Variants in GATA4 observed in about 807,000 individuals in gnomAD.
The protein encoded by GATA4 is GATA binding protein 4.
GATA4 carries 7 observed loss-of-function variants against 37.9 expected under a neutral mutation model. That is an observed-to-expected ratio of 0.18 (90% confidence interval 0.11 to 0.35). The LOEUF is 0.35. Among genes scored for constraint, GATA4 ranks in the 10% least tolerant of loss-of-function variants. GATA4 has a pLI of 1.00. For missense variants in GATA4, 647 were observed against 653.0 expected (o/e 0.99, Z 0.10); for synonymous variants, 372 against 292.6 (o/e 1.27, Z -2.77).
rs115845273 is a variant in GATA4, at chr8:11,717,502, G to T, written c.616+8574G>T. On this transcript the variant is annotated intron_variant, in intron 2 of 6. Coordinates refer to ENST00000532059, the MANE Select transcript of GATA4 (RefSeq NM_001308093.3). Reference sequence around the variant, plus strand: ...AAAGAGCCTGTAATCTCAGGTCCCCGTGGGTAGTAAACAGCCCTGGTTTGG... The same window carrying T: ...AAAGAGCCTGTAATCTCAGGTCCCCTTGGGTAGTAAACAGCCCTGGTTTGG... Among the ~76,000 whole-genome samples, 141 of 152,278 alleles carry T rather than the reference G, an allele frequency of 9.3e-4. 1 individual carries two copies. The highest frequency in any genetic ancestry group is 3.2e-3 in the African/African-American group (135 of 41,564).
intron 2 of GATA4, among the ~76,000 whole-genome samples, chr8:11,722,373 T>TA: frequency 6.6e-6 from 1 of 152,334 alleles, no homozygotes; most frequent in South Asian, 2.1e-4. Flanking sequence ...TCTTTTATTT[T>TA]AAAAAATACA....
chr8:11,683,974 G>A lies in GATA4; in HGVS notation c.-274+6911G>A, dbSNP rs542612465. On this transcript the variant is annotated intron_variant, in intron 1 of 6. Transcript: ENST00000528712. ...TGCCCACACCTAAACTTGGACTGCT[G>A]AGCCCTTAATGCTACTGTGACTCCC... 5.3e-5 allele frequency among the ~76,000 whole-genome samples: 8 copies of A among 152,346 alleles called. No homozygotes were observed. The South Asian group carries it at 8.3e-4, about 16-fold the overall frequency.
chr8:11,744,378 A>G (rs1263100194), intron 2 of GATA4, among the ~76,000 whole-genome samples: 1 of 152,236 alleles, frequency 6.6e-6, no homozygotes, highest in Non-Finnish European at 1.5e-5. Flanking sequence ...TCTTTCCTCC[A>G]AACGTGGGTG....
Position 11,758,155 on chromosome 8 carries a change from G to A in GATA4, c.1150-138G>A, listed in dbSNP as rs1802697639. 3.8e-6 allele frequency: 3 copies of A among 795,840 alleles called. No individual in the cohort carries two copies. In the African/African-American group the frequency reaches 5.1e-5, roughly 13 times the overall value. 49.3% of individuals were successfully genotyped at this position (795,840 alleles called of 1,614,324 possible). A position where few individuals can be genotyped will look rare whatever the true frequency, so the allele number is the denominator to read the frequency against. On this transcript the variant is annotated intron_variant, in intron 6 of 6. Coordinates refer to ENST00000532059, the MANE Select transcript of GATA4 (RefSeq NM_001308093.3). ...TCACCGGGATCAGGAGAAACAGAGA[G>A]AAGTGCTCCTTGGTCCCTTCCTGAG...
chr8:11,683,082 A>T (rs1799026050), intron 1 of GATA4: 1 of 985,228 alleles, frequency 1.0e-6, no homozygotes. Context: ...AGGTTTTCCC[A>T]GCCTTCTCGC....
intron 2 of GATA4, among the ~76,000 whole-genome samples, chr8:11,711,800 T>C (rs916058156): frequency 6.6e-6 from 1 of 150,752 alleles, no homozygotes; most frequent in African/African-American, 2.4e-5. Flanking sequence ...GCTTTTTATA[T>C]GTTCTTCCCA....
intron 1 of GATA4, chr8:11,680,787 C>A: frequency 3.0e-6 from 3 of 985,354 alleles, no homozygotes; most frequent in Non-Finnish European, 3.6e-6. Flanking sequence ...GGTGCTCACC[C>A]GCCCCTCGCC....
chr8:11,758,082 CT>C (rs1342249493), intron 6 of GATA4, among the ~76,000 whole-genome samples: 1 of 152,224 alleles, frequency 6.6e-6, no homozygotes, highest in Non-Finnish European at 1.5e-5. Flanking sequence ...TGGTTGTATA[CT>C]GTGCTCAGAA....
chr8:11,685,950 A>G (rs948168469), intron 1 of GATA4, among the ~76,000 whole-genome samples: 5 of 152,214 alleles, frequency 3.3e-5, no homozygotes, highest in Non-Finnish European at 7.3e-5. Context: ...GGTGTTCAGA[A>G]AGGAAGGCCG....
chr8:11,712,408 C>T (rs1381553483), intron 2 of GATA4, among the ~76,000 whole-genome samples: 1 of 152,136 alleles, frequency 6.6e-6, no homozygotes, highest in African/African-American at 2.4e-5. Flanking sequence ...GGAGAAGCAG[C>T]ATCATTCTTC....
chr8:11,685,884 AAGG>A (rs1411783387), intron 1 of GATA4, among the ~76,000 whole-genome samples: 2 of 152,174 alleles, frequency 1.3e-5, no homozygotes, highest in African/African-American at 2.4e-5. Flanking sequence ...GGAGGGAGAA[AAGG>A]AGGAGACTTG....
At chr8:11,747,223 A>G (rs1450820956) in intron 2 of GATA4, among the ~76,000 whole-genome samples, 1 of 152,220 alleles carries the variant, frequency 6.6e-6, no homozygotes, top group African/African-American at 2.4e-5. Flanking sequence ...GGATAACATG[A>G]AGTCAGAGAG....
At chr8:11,713,521 A>G (rs1020140621) in intron 2 of GATA4, among the ~76,000 whole-genome samples, 1 of 152,104 alleles carries the variant, frequency 6.6e-6, no homozygotes, top group East Asian at 1.9e-4. Context: ...GCAGGATGGA[A>G]GAGGGTTCTG....
chr8:11,694,475 G>A (rs183327850), intron 1 of GATA4: 2 of 985,260 alleles, frequency 2.0e-6, no homozygotes, highest in Non-Finnish European at 2.4e-6. Flanking sequence ...AGCTCTCCGA[G>A]CCGTGGACTG....
intron 6 of GATA4, among the ~76,000 whole-genome samples, chr8:11,757,461 G>A (rs1427260130): frequency 6.6e-6 from 1 of 152,196 alleles, no homozygotes; most frequent in Non-Finnish European, 1.5e-5. Flanking sequence ...GAATGAGACT[G>A]CGTGCTGGGG....
chr8:11,756,755 A>G (rs77511097), intron 5 of GATA4, 180 bp from the exon 6 acceptor site: 9 of 302,880 alleles, frequency 3.0e-5, no homozygotes, highest in Non-Finnish European at 5.3e-5. Flanking sequence ...GAGATGAGAT[A>G]GGGGGAAGAA....
Position 11,748,977 on chromosome 8 carries a change from C to T in GATA4, c.678C>T (p.Thr226=), listed in dbSNP as rs759042604. The change falls in exon 3 of 7, where the codon ACC becomes ACT. Residue 226 remains threonine, a synonymous_variant. Transcript: ENST00000532059. ...RECVNCGAMS[T]PLWRRDGTGH... is the part of the protein sequence containing the mutation. ...GTGTCAACTGTGGGGCTATGTCCAC[C>T]CCGCTCTGGAGGCGAGATGGGACGG... The T allele has an allele frequency of 2.3e-5, 37 of 1,614,056 alleles. No homozygotes were observed. In the African/African-American group the frequency reaches 2.9e-4, roughly 13 times the overall value.
intron 2 of GATA4, among the ~76,000 whole-genome samples, chr8:11,720,078 C>T (rs971927581): frequency 2.6e-5 from 4 of 151,724 alleles, no homozygotes; most frequent in Admixed American, 6.6e-5. Context: ...ATTGGTCTGG[C>T]GCGGAGAAAC....
intron 1 of GATA4, among the ~76,000 whole-genome samples, chr8:11,682,653 G>T (rs968723790): frequency 3.3e-5 from 5 of 152,106 alleles, no homozygotes; most frequent in Non-Finnish European, 7.4e-5. Context: ...AATTTTTAAC[G>T]GGGAAAAACT....
Sources: allele counts gnomAD v4.1 joint callset (sites outside exome capture counted in the v4.1 genomes callset), GRCh38; gene constraint gnomAD v4.1.1; transcripts MANE v1.5; gene names NCBI Gene and HGNC (gene_info 2026-07-23, HGNC 2026-07-21).